MTHFD2L: variants seen among roughly 807,000 people sequenced by gnomAD.
MTHFD2L encodes the protein methylenetetrahydrofolate dehydrogenase (NADP+ dependent) 2 like.
MTHFD2L carries 29 observed loss-of-function variants against 34.9 expected under a neutral mutation model. That is an observed-to-expected ratio of 0.83 (90% confidence interval 0.62 to 1.13). The LOEUF is 1.13. Ranked by LOEUF, MTHFD2L falls within the 50% of genes most tolerant of loss-of-function variation. The probability of loss-of-function intolerance (pLI) is 0.00; values close to 1 mark genes in which losing one functional copy is unlikely to be tolerated. For synonymous variants in MTHFD2L, 167 were observed against 155.7 expected (o/e 1.07, Z -0.54); for missense variants, 481 against 446.5 (o/e 1.08, Z -0.70).
intron 1 of MTHFD2L, chr4:74,160,359 GATT>G: frequency 5.6e-6 from 1 of 180,152 alleles, no homozygotes; most frequent in Non-Finnish European, 1.2e-5. Context: ...AAGTATCTTT[GATT>G]ATTTTTTCAC....
intron 1 of MTHFD2L, among the ~76,000 whole-genome samples, chr4:74,173,417 C>G (rs189073249): frequency 6.6e-6 from 1 of 152,280 alleles, no homozygotes; most frequent in Admixed American, 6.5e-5. Context: ...AGAAATGATG[C>G]CATTGCATTG....
At chr4:74,239,236 C>T (rs1207382284) in intron 6 of MTHFD2L, among the ~76,000 whole-genome samples, 3 of 152,098 alleles carry the variant, frequency 2.0e-5, no homozygotes. Flanking sequence ...GTCACAAGGA[C>T]AGAAAACCAA....
intron 3 of MTHFD2L, among the ~76,000 whole-genome samples, chr4:74,197,138 A>G (rs529089818): frequency 6.6e-6 from 1 of 152,294 alleles, no homozygotes; most frequent in South Asian, 2.1e-4. Flanking sequence ...CAAAGTGAAT[A>G]AAACCAGTTT....
intron 7 of MTHFD2L, 36 bp downstream of exon 7, chr4:74,281,586 T>C (rs902339514): frequency 2.5e-6 from 4 of 1,568,766 alleles, no homozygotes; most frequent in Non-Finnish European, 3.4e-6. Flanking sequence ...GTGAAGAAGA[T>C]AAAAAAATTC....
intron 1 of MTHFD2L, among the ~76,000 whole-genome samples, chr4:74,127,788 T>C (rs1274413114): frequency 6.6e-6 from 1 of 152,126 alleles, no homozygotes; most frequent in Non-Finnish European, 1.5e-5. Context: ...CTGGGTCATG[T>C]GTAGTTCTAT....
intron 1 of MTHFD2L, among the ~76,000 whole-genome samples, chr4:74,135,153 G>A (rs1381257850): frequency 2.0e-5 from 3 of 151,966 alleles, no homozygotes; most frequent in African/African-American, 7.2e-5. Context: ...ACTAATGAAG[G>A]TATTTACTAA....
intron 1 of MTHFD2L, among the ~76,000 whole-genome samples, chr4:74,128,431 A>G (rs187137164): frequency 3.5e-4 from 54 of 152,138 alleles, no homozygotes; most frequent in South Asian, 1.2e-3. Flanking sequence ...CACTCTATGC[A>G]TATGGTTATC....
intron 7 of MTHFD2L, among the ~76,000 whole-genome samples, chr4:74,283,430 C>A (rs1747748255): frequency 6.6e-6 from 1 of 152,086 alleles, no homozygotes; most frequent in Non-Finnish European, 1.5e-5. Flanking sequence ...AATTGTAGTT[C>A]TGTGTATCTA....
At chr4:74,266,896 G>A in intron 6 of MTHFD2L, 1 of 985,212 alleles carries the variant, frequency 1.0e-6, no homozygotes, top group Non-Finnish European at 1.2e-6. Context: ...CTAAATATCA[G>A]GCCTCATTTC....
intron 5 of MTHFD2L, among the ~76,000 whole-genome samples, chr4:74,209,627 C>A (rs956592576): frequency 6.6e-6 from 1 of 152,162 alleles, no homozygotes; most frequent in Non-Finnish European, 1.5e-5. Flanking sequence ...CAAGTCTTTG[C>A]TGTTGTGAAT....
intron 6 of MTHFD2L, among the ~76,000 whole-genome samples, chr4:74,278,798 A>G (rs1330527098): frequency 2.0e-5 from 3 of 152,150 alleles, no homozygotes; most frequent in African/African-American, 4.8e-5. Flanking sequence ...AGCAGAAAAA[A>G]GGTGAAAATG....
intron 6 of MTHFD2L, among the ~76,000 whole-genome samples, chr4:74,230,873 A>G (rs1419143967): frequency 2.0e-5 from 3 of 152,178 alleles, no homozygotes; most frequent in Non-Finnish European, 2.9e-5. Flanking sequence ...AATCTTCATT[A>G]TTCAGCAGGA....
At chr4:74,175,111 A>G (rs1422437775) in intron 2 of MTHFD2L, among the ~76,000 whole-genome samples, 170 bp from the exon 3 acceptor site, 5 of 152,176 alleles carry the variant, frequency 3.3e-5, no homozygotes, top group Non-Finnish European at 7.4e-5. Flanking sequence ...CAAAGAATAC[A>G]TGTGGATCAA....
chr4:74,117,224 G>T (rs968311083), intron 2 of MTHFD2L, among the ~76,000 whole-genome samples: 1 of 152,212 alleles, frequency 6.6e-6, no homozygotes, highest in Non-Finnish European at 1.5e-5. Context: ...TTAGAATGGA[G>T]CCAACAGAAG....
intron 6 of MTHFD2L, among the ~76,000 whole-genome samples, chr4:74,253,081 A>C (rs1484798336): frequency 6.6e-6 from 1 of 152,132 alleles, no homozygotes; most frequent in African/African-American, 2.4e-5. Context: ...TTTGAGGAAA[A>C]AAATTAATTT....
chr4:74,139,409 G>A (rs1723147452), intron 1 of MTHFD2L, among the ~76,000 whole-genome samples: 2 of 152,192 alleles, frequency 1.3e-5, no homozygotes, highest in South Asian at 2.1e-4. Flanking sequence ...TGGTAGTGCT[G>A]CCTTCTCCGT....
At chr4:74,181,874 G>A (rs1229547276) in intron 3 of MTHFD2L, 4 of 152,018 alleles carry the variant, frequency 2.6e-5, no homozygotes, top group African/African-American at 4.8e-5. Flanking sequence ...GGTGGATATC[G>A]ACCTAACTAG....
At chr4:74,258,903 A>G (rs1329987589) in intron 6 of MTHFD2L, among the ~76,000 whole-genome samples, 1 of 152,208 alleles carries the variant, frequency 6.6e-6, no homozygotes. Context: ...CCCAGTCCCC[A>G]GTAAAAAAAA....
chr4:74,173,989 GAATT>G (rs1176664236), intron 1 of MTHFD2L, among the ~76,000 whole-genome samples: 2 of 152,118 alleles, frequency 1.3e-5, no homozygotes, highest in African/African-American at 4.8e-5. Context: ...AAAAACAAAT[GAATT>G]TCTTATAGTT....
Sources: allele counts gnomAD v4.1 joint callset (sites outside exome capture counted in the v4.1 genomes callset), GRCh38; gene constraint gnomAD v4.1.1; transcripts MANE v1.5; gene names NCBI Gene and HGNC (gene_info 2026-07-23, HGNC 2026-07-21).